The following ACOXL variants were observed in gnomAD, a reference collection of about 807,000 sequenced individuals.
ACOXL encodes acyl-coenzyme A oxidase-like protein.
ACOXL carries 70 observed loss-of-function variants against 71.9 expected under a neutral mutation model. The ratio of observed to expected loss-of-function variants is 0.97; its 90% confidence interval spans 0.80 to 1.19. The LOEUF (loss-of-function observed/expected upper bound fraction) is 1.19. Among genes scored for constraint, ACOXL ranks in the 50% most tolerant of loss-of-function variants. ACOXL has a pLI of 0.00. For missense variants in ACOXL, 703 were observed against 736.3 expected, an observed-to-expected ratio of 0.95 and a Z score of 0.52; for synonymous variants, 253 against 281.6, an observed-to-expected ratio of 0.90 and a Z score of 1.02.
Position 110,754,320 on chromosome 2 carries a change from C to A in ACOXL, c.-22-14048C>A, listed in dbSNP as rs189918806. On this transcript the variant is annotated intron_variant, in intron 1 of 17. Transcript: ENST00000439055. ...CTCCCAGGCTCAAGCAATTCTTGTG[C>A]CTCAGCCTCTCAAAGTGCTGAGATT... is the stretch of plus-strand genomic sequence containing the variant. Among the ~76,000 whole-genome samples the A allele has an allele frequency of 1.0e-3, 155 of 152,098 alleles. 1 individual carries two copies. Among genetic ancestry groups the A allele is most frequent in the African/African-American group, 3.6e-3 (148 of 41,478 alleles).
intron 12 of ACOXL, among the ~76,000 whole-genome samples, chr2:110,964,431 T>C (rs898068632): frequency 6.6e-6 from 1 of 152,238 alleles, no homozygotes; most frequent in African/African-American, 2.4e-5. Flanking sequence ...TTAAAACTTA[T>C]GATACGGTAA....
chr2:110,800,272 G>C (rs780345987), intron 7 of ACOXL, among the ~76,000 whole-genome samples: 4 of 152,216 alleles, frequency 2.6e-5, no homozygotes, highest in Non-Finnish European at 5.9e-5. Context: ...TCCAGACACA[G>C]TGAGGGAAGG....
intron 14 of ACOXL, among the ~76,000 whole-genome samples, chr2:111,007,317 CAATT>C (rs1461312735): frequency 2.0e-5 from 3 of 152,194 alleles, no homozygotes; most frequent in African/African-American, 4.8e-5. Flanking sequence ...TTTTTGGAAA[CAATT>C]AATACTGTGG....
chr2:110,762,082 A>G (rs958366943), intron 1 of ACOXL, among the ~76,000 whole-genome samples: 20 of 152,080 alleles, frequency 1.3e-4, no homozygotes, highest in African/African-American at 4.8e-4. Context: ...TCCTTTTATA[A>G]TTATAATATC....
intron 10 of ACOXL, among the ~76,000 whole-genome samples, chr2:110,901,028 G>A (rs540121101): frequency 5.9e-5 from 9 of 152,304 alleles, no homozygotes; most frequent in South Asian, 4.1e-4. Context: ...AATCCTGTAC[G>A]GATCTGCAGC....
chr2:111,033,433 G>A (rs1180796445), intron 15 of ACOXL, among the ~76,000 whole-genome samples: 1 of 152,210 alleles, frequency 6.6e-6, no homozygotes, highest in African/African-American at 2.4e-5. Flanking sequence ...TGTTCTACGA[G>A]CATATCTTCA....
In ACOXL at chr2:111,090,880, T is replaced by C. The variant is rs375474972; in HGVS notation, c.1441-1985T>C. 4.6e-5 allele frequency among the ~76,000 whole-genome samples: 7 copies of C among 152,298 alleles called. No homozygotes were observed. The East Asian group carries it at 1.2e-3, about 25-fold the overall frequency. ...CTCTACCCTGTGTGGATCTAGGAAG[T>C]TGACCTACATTGCCTGCATCCATGG... is the stretch of plus-strand genomic sequence containing the variant. On this transcript the variant is annotated intron_variant, in intron 16 of 17. Coordinates refer to ENST00000439055, the MANE Select transcript of ACOXL (RefSeq NM_001142807.4).
chr2:111,090,768 G>A (rs548723189), intron 16 of ACOXL, among the ~76,000 whole-genome samples: 6 of 152,308 alleles, frequency 3.9e-5, no homozygotes, highest in Admixed American at 2.6e-4. Context: ...TGGACAAGAC[G>A]CTGAATGACC....
At chr2:110,980,986 G>T (rs1222621722) in intron 12 of ACOXL, among the ~76,000 whole-genome samples, 11 of 152,146 alleles carry the variant, frequency 7.2e-5, no homozygotes, top group Admixed American at 5.9e-4. Context: ...CACACCAGGG[G>T]TTCCTGCATT....
At chr2:110,924,416 CAAAATTGGAGTCA>C (rs2060195149) in intron 11 of ACOXL, among the ~76,000 whole-genome samples, 1 of 152,182 alleles carries the variant, frequency 6.6e-6, no homozygotes, top group Admixed American at 6.5e-5. Flanking sequence ...AATTTTTTTC[CAAAATTGGAGTCA>C]GTCCTTTCAA....
At chr2:110,867,106 G>A (rs983345154) in intron 10 of ACOXL, among the ~76,000 whole-genome samples, 3 of 152,162 alleles carry the variant, frequency 2.0e-5, no homozygotes, top group Non-Finnish European at 4.4e-5. Flanking sequence ...CTATAAGAGG[G>A]CCCAGCAGAG....
At chr2:110,979,157 C>T (rs959506920) in intron 12 of ACOXL, among the ~76,000 whole-genome samples, 3 of 152,140 alleles carry the variant, frequency 2.0e-5, no homozygotes, top group Admixed American at 2.0e-4. Flanking sequence ...TCGGTTCAGA[C>T]CCAGTCACTA....
intron 16 of ACOXL, among the ~76,000 whole-genome samples, chr2:111,076,872 T>C (rs2067627477): frequency 6.6e-6 from 1 of 152,198 alleles, no homozygotes; most frequent in Non-Finnish European, 1.5e-5. Flanking sequence ...TGGTTGCTTC[T>C]GGCATTCCTT....
chr2:110,962,877 T>C (rs2149453319), intron 12 of ACOXL, among the ~76,000 whole-genome samples: 1 of 152,174 alleles, frequency 6.6e-6, no homozygotes, highest in Middle Eastern at 3.4e-3. Flanking sequence ...GGGGGAGCAA[T>C]TCTGGATATT....
intron 1 of ACOXL, among the ~76,000 whole-genome samples, chr2:110,736,769 A>G (rs991948914): frequency 1.3e-4 from 20 of 151,964 alleles, no homozygotes; most frequent in Non-Finnish European, 2.9e-4. Context: ...ACAGGCACCC[A>G]CCACCACACC....
chr2:111,043,213 G>T (rs548685064), intron 15 of ACOXL, among the ~76,000 whole-genome samples: 64 of 152,246 alleles, frequency 4.2e-4, no homozygotes, highest in Non-Finnish European at 7.6e-4. Flanking sequence ...TCACCCTCTC[G>T]TGGAGGTCCC....
At chr2:110,942,789 A>T (rs1574218863) in intron 12 of ACOXL, among the ~76,000 whole-genome samples, 1 of 151,674 alleles carries the variant, frequency 6.6e-6, no homozygotes, top group African/African-American at 2.4e-5. Context: ...AGGCTGAGGC[A>T]TAAGAATTAC....
chr2:110,995,793 G>T, intron 13 of ACOXL, 100 bp from the exon 14 acceptor site: 1 of 833,804 alleles, frequency 1.2e-6, no homozygotes, highest in Non-Finnish European at 2.0e-6. Context: ...TTTTTCTACA[G>T]AAAAAAATAG....
At chr2:110,903,104 C>CTT (rs2059304717) in intron 10 of ACOXL, among the ~76,000 whole-genome samples, 2 of 152,176 alleles carry the variant, frequency 1.3e-5, no homozygotes, top group South Asian at 4.1e-4. Flanking sequence ...GGCTTAGCCC[C>CTT]AAAGCTCCTC....
Sources: allele counts gnomAD v4.1 joint callset (sites outside exome capture counted in the v4.1 genomes callset), GRCh38; gene constraint gnomAD v4.1.1; transcripts MANE v1.5; gene names NCBI Gene and HGNC (gene_info 2026-07-23, HGNC 2026-07-21).